The following CLCN3 variants were observed in gnomAD, a reference collection of about 807,000 sequenced individuals.
The protein encoded by CLCN3 is H(+)/Cl(-) exchange transporter 3.
In CLCN3, 16 loss-of-function variants were observed where a neutral mutation model predicts 83.4. The ratio of observed to expected loss-of-function variants is 0.19; its 90% CI spans 0.13 to 0.29. The LOEUF (loss-of-function observed/expected upper bound fraction) is 0.29, where lower values mean the gene tolerates loss of function less well. Among genes scored for constraint, CLCN3 ranks in the 10% least tolerant of loss-of-function variants. CLCN3 has a pLI of 1.00. For synonymous variants in CLCN3, 322 were observed against 346.2 expected, an observed-to-expected ratio of 0.93 and a Z score of 0.78; for missense variants, 544 against 1,006.0, an observed-to-expected ratio of 0.54 and a Z score of 6.21.
chr4:169,719,456 T>A lies in CLCN3; in HGVS notation c.2367-451T>A, dbSNP rs932923023. On this transcript the variant is annotated intron_variant, in intron 12 of 12. Coordinates refer to ENST00000513761, the MANE Select transcript of CLCN3 (RefSeq NM_001829.4). ...TCCAGCCTGGGCTACAGAGCGAGAC[T>A]CTGTCTCAAAAAATAAATAAATAAA... 2.6e-5 allele frequency among the ~76,000 whole-genome samples: 4 copies of A among 152,120 alleles called. 1 individual carries two copies. The highest frequency in any genetic ancestry group is 9.7e-5 in the African/African-American group (4 of 41,424).
At chr4:169,627,390 T>C (rs977830903) in intron 1 of CLCN3, among the ~76,000 whole-genome samples, 3 of 152,214 alleles carry the variant, frequency 2.0e-5, no homozygotes, top group African/African-American at 7.2e-5. Context: ...GCCAGCTTGC[T>C]TACTTTTCTC....
At chr4:169,717,587 T>G (rs1581294623) in intron 12 of CLCN3, among the ~76,000 whole-genome samples, 1 of 152,206 alleles carries the variant, frequency 6.6e-6, no homozygotes, top group East Asian at 1.9e-4. Flanking sequence ...TATTGAAGAT[T>G]AGTATTGTGT....
At chr4:169,651,914 C>T (rs913367813) in intron 2 of CLCN3, among the ~76,000 whole-genome samples, 1 of 152,022 alleles carries the variant, frequency 6.6e-6, no homozygotes, top group Admixed American at 6.5e-5. Context: ...AAATTTGTTA[C>T]CTACAACTGA....
chr4:169,670,255 A>G lies in CLCN3; in HGVS notation c.161-9795A>G, dbSNP rs1039983208. The stretch of plus-strand genomic sequence containing the variant: ...TTCATGGTTTTGGGTTTTACATTTA[A>G]GCCTCAAATCGATCTTGAGTTAATT... On this transcript the variant is annotated intron_variant, in intron 2 of 12. Transcript: ENST00000513761. Among the ~76,000 whole-genome samples, 31 of 152,184 alleles carry G rather than the reference A, an allele frequency of 2.0e-4. 1 individual carries two copies. The highest frequency in any genetic ancestry group is 7.5e-4 in the African/African-American group (31 of 41,446).
intron 9 of CLCN3, among the ~76,000 whole-genome samples, chr4:169,702,368 A>C (rs914482793): frequency 1.3e-5 from 2 of 152,188 alleles, no homozygotes; most frequent in Non-Finnish European, 2.9e-5. Flanking sequence ...TTAAAACAAC[A>C]TGAATCTCCT....
chr4:169,710,388 C>G (rs979685054), intron 11 of CLCN3, among the ~76,000 whole-genome samples: 1 of 152,180 alleles, frequency 6.6e-6, no homozygotes, highest in Non-Finnish European at 1.5e-5. Context: ...ACTTCACTCT[C>G]CTAATTAGCT....
At chr4:169,665,178 GT>G (rs954091213) in intron 2 of CLCN3, among the ~76,000 whole-genome samples, 7 of 152,138 alleles carry the variant, frequency 4.6e-5, no homozygotes, top group African/African-American at 1.7e-4. Flanking sequence ...TTACACAGAT[GT>G]CTTAATATCC....
intron 2 of CLCN3, among the ~76,000 whole-genome samples, chr4:169,642,079 A>C (rs942721536): frequency 2.0e-5 from 3 of 152,154 alleles, no homozygotes; most frequent in African/African-American, 7.2e-5. Context: ...ATACATTTTA[A>C]AATTTATTTT....
chr4:169,690,208 C>T (rs1479719346), intron 5 of CLCN3, among the ~76,000 whole-genome samples: 1 of 142,714 alleles, frequency 7.0e-6, no homozygotes, highest in African/African-American at 2.6e-5. Flanking sequence ...CGCAGTGGCA[C>T]GATCTCGGCT....
chr4:169,648,888 G>C (rs377294876), intron 2 of CLCN3, among the ~76,000 whole-genome samples: 1 of 152,060 alleles, frequency 6.6e-6, no homozygotes, highest in Non-Finnish European at 1.5e-5. Flanking sequence ...TTAGCCAGGT[G>C]TGGTGGTGCA....
In CLCN3 at chr4:169,723,584, G is replaced by A. The variant is rs1733703175; in HGVS notation, c.*3587G>A. ...AAATCACCTTGGACATTTGCTAATA[G>A]AACTGCCAAAAGAGGGTGGTAAGTA... On this transcript the variant is annotated 3_prime_UTR_variant, in exon 13 of 13. Coordinates refer to ENST00000513761, the MANE Select transcript of CLCN3 (RefSeq NM_001829.4). 1 of 151,596 alleles carries A rather than the reference G, an allele frequency of 6.6e-6. No individual in the cohort carries two copies. The highest frequency in any genetic ancestry group is 6.6e-5 in the Admixed American group (1 of 15,222). 9.4% of individuals were successfully genotyped at this position (151,596 alleles called of 1,614,324 possible).
intron 2 of CLCN3, among the ~76,000 whole-genome samples, chr4:169,678,459 C>T (rs1386856512): frequency 2.6e-5 from 4 of 151,748 alleles, no homozygotes; most frequent in Admixed American, 2.0e-4. Flanking sequence ...TTGGGTGTTT[C>T]TCGGAGAGGG....
In CLCN3 at chr4:169,692,155, G is replaced by A. The variant is rs756142869; in HGVS notation, c.771G>A (p.Leu257=). ...ILSGFIIRGY[L]GKWTLMIKTI... ...GTGGATTCATCATCAGAGGTTACTT[G>A]GGAAAATGGACTTTAATGATTAAAA... The change falls in exon 7 of 13, where the codon TTG becomes TTA. Residue 257 remains leucine (L), a synonymous_variant. Coordinates refer to ENST00000513761, the MANE Select transcript of CLCN3 (RefSeq NM_001829.4). 2 of 1,611,508 alleles carry A rather than the reference G, an allele frequency of 1.2e-6. No homozygotes were observed. Among genetic ancestry groups the A allele is most frequent in the South Asian group, 2.2e-5 (2 of 91,006 alleles).
At chr4:169,639,540 A>G (rs888927062) in intron 2 of CLCN3, among the ~76,000 whole-genome samples, 12 of 152,242 alleles carry the variant, frequency 7.9e-5, no homozygotes, top group African/African-American at 2.4e-4. Flanking sequence ...AGATCCAGCA[A>G]TAGGGATAAT....
Position 169,668,935 on chromosome 4 carries a change from C to CTGTGTT in CLCN3, c.161-11114_161-11113insGTGTTT, listed in dbSNP as rs1397091515. 1.9e-4 allele frequency among the ~76,000 whole-genome samples: 29 copies of CTGTGTT among 152,234 alleles called. 1 individual carries two copies. The South Asian group carries it at 6.0e-3, about 32-fold the overall frequency. On this transcript the variant is annotated intron_variant, in intron 2 of 12. Transcript: ENST00000513761. ...AGGAGCCACAGTTTGATTGGTCTAACTTGGATCTATGTGTTTTCTTTAGCT... is the reference window on the plus strand; with the variant it reads ...AGGAGCCACAGTTTGATTGGTCTAACTGTGTTTTGGATCTATGTGTTTTCTTTAGCT...
At chr4:169,679,249 G>C (rs1445418566) in intron 2 of CLCN3, among the ~76,000 whole-genome samples, 3 of 149,666 alleles carry the variant, frequency 2.0e-5, no homozygotes, top group African/African-American at 7.4e-5. Flanking sequence ...TCACATCCCA[G>C]AGGGGGCGGC....
At position 169,712,390 on chromosome 4, in the gene CLCN3, C is replaced by T. The variant is rs184568797; in HGVS notation, c.2150-689C>T. 2.9e-4 allele frequency among the ~76,000 whole-genome samples: 44 copies of T among 151,114 alleles called. No homozygotes were observed. The East Asian group carries it at 3.1e-3, about 11-fold the overall frequency. ...CAGATTTTTTTTTTAGTTCTTTCAA[C>T]GGTGGAGTGGAAGTAGGCAGCAGGA... On this transcript the variant is annotated intron_variant, in intron 11 of 12. Transcript: ENST00000513761.
At chr4:169,655,378 A>T (rs1730850559) in intron 2 of CLCN3, among the ~76,000 whole-genome samples, 1 of 152,182 alleles carries the variant, frequency 6.6e-6, no homozygotes, top group South Asian at 2.1e-4. Flanking sequence ...TAGTCTTTAT[A>T]TTAGCTTATG....
chr4:169,660,882 TACACC>T (rs954683490), intron 2 of CLCN3, among the ~76,000 whole-genome samples: 2 of 152,198 alleles, frequency 1.3e-5, no homozygotes, highest in African/African-American at 4.8e-5. Context: ...ATGTAGATTT[TACACC>T]ACAAAGTAAA....
Sources: gnomAD v4.1 joint callset for allele counts (sites outside exome capture counted in the v4.1 genomes callset) on GRCh38, gnomAD v4.1.1 for gene constraint, MANE v1.5 for transcripts, NCBI Gene and HGNC (gene_info 2026-07-23, HGNC 2026-07-21) for gene names.